SAMD4A: variants seen among roughly 807,000 people sequenced by gnomAD.
SAMD4A encodes sterile alpha motif domain containing 4A.
A neutral mutation model predicts 81.3 loss-of-function variants in SAMD4A; 33 were observed. The ratio of observed to expected loss-of-function variants is 0.41; its 90% CI spans 0.31 to 0.54. The LOEUF (loss-of-function observed/expected upper bound fraction) is 0.54, where lower values mean the gene tolerates loss of function less well. Among genes scored for constraint, SAMD4A ranks in the 20% least tolerant of loss-of-function variants. SAMD4A has a pLI of 0.37. For synonymous variants in SAMD4A, 389 were observed against 382.1 expected (o/e 1.02, Z -0.21); for missense variants, 854 against 951.1 (o/e 0.90, Z 1.34).
intron 2 of SAMD4A, among the ~76,000 whole-genome samples, chr14:54,646,106 GA>G (rs1246552542): frequency 6.6e-6 from 1 of 152,170 alleles, no homozygotes; most frequent in East Asian, 1.9e-4. Context: ...TCGACAAAAT[GA>G]ATAATTAGGG....
At position 54,697,154 on chromosome 14, in the gene SAMD4A, C is replaced by T. The variant is rs529940359; in HGVS notation, c.197-4908C>T. On this transcript the variant is annotated intron_variant, in intron 2 of 12. Coordinates refer to ENST00000554335, the MANE Select transcript of SAMD4A (RefSeq NM_015589.6). Reference sequence around the variant, plus strand: ...CCTAGCCAGTGTGACCAAGTCCCTGCATGTAGGGTCTGGCTTCCGTTTGAA... The same window carrying T: ...CCTAGCCAGTGTGACCAAGTCCCTGTATGTAGGGTCTGGCTTCCGTTTGAA... 7.9e-5 allele frequency among the ~76,000 whole-genome samples: 12 copies of T among 152,336 alleles called. No individual in the cohort carries two copies. In the South Asian group the frequency reaches 2.3e-3, roughly 29 times the overall value.
chr14:54,572,134 T>C (rs1182585026), intron 2 of SAMD4A, among the ~76,000 whole-genome samples: 6 of 152,236 alleles, frequency 3.9e-5, no homozygotes, highest in Non-Finnish European at 8.8e-5. Flanking sequence ...AACTTAACTC[T>C]AGTCCAGTGC....
chr14:54,729,151 A>C (rs2037497066), intron 3 of SAMD4A, among the ~76,000 whole-genome samples: 1 of 152,052 alleles, frequency 6.6e-6, no homozygotes, highest in African/African-American at 2.4e-5. Flanking sequence ...ATGCTCTGAG[A>C]GGGTCTTGGT....
intron 12 of SAMD4A, among the ~76,000 whole-genome samples, chr14:54,785,231 A>G (rs2039105624): frequency 6.6e-6 from 1 of 152,228 alleles, no homozygotes; most frequent in Non-Finnish European, 1.5e-5. Context: ...CCACTGCCCA[A>G]GCCCAGAATG....
intron 2 of SAMD4A, among the ~76,000 whole-genome samples, chr14:54,652,995 G>A (rs116713233): frequency 0.015 from 2,330 of 151,988 alleles, 44 homozygotes; most frequent in African/African-American, 0.052. Flanking sequence ...CTCTCCAGCC[G>A]TCCACTATGA....
intron 2 of SAMD4A, among the ~76,000 whole-genome samples, chr14:54,686,592 A>C (rs2036276764): frequency 6.6e-6 from 1 of 150,626 alleles, no homozygotes; most frequent in African/African-American, 2.4e-5. Flanking sequence ...GCTCAATCTG[A>C]CTGAAACAGG....
chr14:54,662,400 T>A (rs2035662202), intron 2 of SAMD4A, among the ~76,000 whole-genome samples: 1 of 146,532 alleles, frequency 6.8e-6, no homozygotes, highest in South Asian at 2.1e-4. Flanking sequence ...GGACACTTAT[T>A]TTTTTTTTTT....
chr14:54,688,931 CTTTTT>C (rs71127666), intron 2 of SAMD4A, among the ~76,000 whole-genome samples: 1 of 116,094 alleles, frequency 8.6e-6, no homozygotes. Context: ...AGTCGTAATT[CTTTTT>C]TTTTTTTTTT....
chr14:54,691,197 G>A (rs17127766), intron 2 of SAMD4A, among the ~76,000 whole-genome samples: 3,362 of 152,162 alleles, frequency 0.022, 122 homozygotes, highest in African/African-American at 0.077. Flanking sequence ...CTGTTTTTGT[G>A]CCTGCCTTTG....
intron 2 of SAMD4A, among the ~76,000 whole-genome samples, chr14:54,620,919 T>G (rs1313853586): frequency 1.3e-5 from 2 of 152,094 alleles, no homozygotes; most frequent in African/African-American, 4.8e-5. Context: ...ACCACCATGC[T>G]GGCTGATTTT....
intron 2 of SAMD4A, among the ~76,000 whole-genome samples, chr14:54,684,430 A>T (rs1013812342): frequency 6.6e-6 from 1 of 152,232 alleles, no homozygotes; most frequent in East Asian, 1.9e-4. Flanking sequence ...AGATGGACCG[A>T]GGCGGGTGAG....
At chr14:54,599,490 A>C (rs549807905) in intron 2 of SAMD4A, among the ~76,000 whole-genome samples, 8 of 152,340 alleles carry the variant, frequency 5.3e-5, no homozygotes, top group African/African-American at 1.9e-4. Flanking sequence ...GAGATTTTAA[A>C]AAATATTATA....
At chr14:54,755,333 T>C (rs1324315302) in intron 6 of SAMD4A, among the ~76,000 whole-genome samples, 1 of 152,034 alleles carries the variant, frequency 6.6e-6, no homozygotes, top group Non-Finnish European at 1.5e-5. Flanking sequence ...AAATGGCAAG[T>C]CAGTGGCCGG....
chr14:54,639,369 C>T (rs1040517615), intron 2 of SAMD4A, among the ~76,000 whole-genome samples: 3 of 152,198 alleles, frequency 2.0e-5, no homozygotes, highest in African/African-American at 7.2e-5. Context: ...CTCAGCGTCT[C>T]TGTTTCTTGC....
chr14:54,583,169 C>G (rs2033520387), intron 2 of SAMD4A, among the ~76,000 whole-genome samples: 1 of 152,076 alleles, frequency 6.6e-6, no homozygotes, highest in Admixed American at 6.6e-5. Context: ...TTTAAGAAAT[C>G]CTGCACTGGA....
At chr14:54,761,434 C>T (rs1000739949) in intron 7 of SAMD4A, among the ~76,000 whole-genome samples, 6 of 152,180 alleles carry the variant, frequency 3.9e-5, no homozygotes, top group East Asian at 1.9e-4. Flanking sequence ...TGTCATCTGG[C>T]GCCTCCTTGT....
intron 2 of SAMD4A, among the ~76,000 whole-genome samples, chr14:54,574,484 C>A (rs985565270): frequency 6.6e-6 from 1 of 152,104 alleles, no homozygotes; most frequent in Non-Finnish European, 1.5e-5. Context: ...AAGGGGCAGG[C>A]TTCCTGGGCC....
rs2038852033 is a variant in SAMD4A, at chr14:54,776,476, C to G, written c.1980C>G (p.Val660=). 1.3e-6 allele frequency: 2 copies of G among 1,596,870 alleles called. No homozygotes were observed. The highest frequency in any genetic ancestry group is 1.4e-5 in the African/African-American group (1 of 74,000). Residue 660 remains valine (V), a synonymous_variant, in exon 11 of 13, where the codon GTC becomes GTG. Transcript: ENST00000554335. The part of the protein sequence containing the change: ...NSMPSRTHSS[V]QRTRSLPVHT... The stretch of plus-strand genomic sequence containing the variant: ...TGCCAAGCCGCACCCACAGCTCAGT[C>G]CAGAGGACCCGCTCGCTGCCCGTGC...
In SAMD4A at chr14:54,702,225, G is replaced by A. The variant is rs993235147; in HGVS notation, c.360G>A (p.Glu120=). The change falls in exon 3 of 13, where the codon GAG becomes GAA. Residue 120 remains glutamate, a synonymous_variant. Coordinates refer to ENST00000554335, the MANE Select transcript of SAMD4A (RefSeq NM_015589.6). ...AHSIEHNQHI[E]ESRQLLSYAL... ...CTATTGAACACAACCAGCACATTGA[G>A]GAGAGCAGGCAGCTGCTGTCCTATG... 4.3e-6 allele frequency: 7 copies of A among 1,614,078 alleles called. No homozygotes were observed. The African/African-American group carries it at 9.3e-5, about 22-fold the overall frequency.
Sources: allele counts gnomAD v4.1 joint callset (sites outside exome capture counted in the v4.1 genomes callset), GRCh38; gene constraint gnomAD v4.1.1; transcripts MANE v1.5; gene names NCBI Gene and HGNC (gene_info 2026-07-23, HGNC 2026-07-21).